Variants in ZNHIT6 observed in about 807,000 individuals in gnomAD.
The protein encoded by ZNHIT6 is box C/D snoRNA protein 1.
A neutral mutation model predicts 57.2 loss-of-function variants in ZNHIT6; 45 were observed. The observed-to-expected ratio is 0.79, with a 90% CI of 0.62 to 1.01. The LOEUF is 1.01. ZNHIT6 is among the 50% of genes least tolerant of loss of function. The pLI, the probability that ZNHIT6 is intolerant of heterozygous loss-of-function variation, is 0.00. For missense variants in ZNHIT6, 528 were observed against 567.3 expected (o/e 0.93, Z 0.70); for synonymous variants, 188 against 190.0 (o/e 0.99, Z 0.09).
chr1:85,687,312 C>CAAAAAA (rs1557861302), intron 5 of ZNHIT6, among the ~76,000 whole-genome samples: 1 of 67,356 alleles, frequency 1.5e-5, no homozygotes, highest in Non-Finnish European at 2.9e-5. Context: ...AAAAAAAAAA[C>CAAAAAA]AATTTAGAAC....
chr1:85,707,879 C>T lies in ZNHIT6; in HGVS notation c.406G>A (p.Glu136Lys), dbSNP rs187291134. The T allele has an allele frequency of 1.7e-5, 28 of 1,614,110 alleles. No homozygotes were observed. In the East Asian group the frequency reaches 3.1e-4, roughly 18 times the overall value. Reference sequence around the variant, plus strand: ...TCCTTTACCTTCTCTTCCTTTACCTCTGGTTCACCCACCTTCGCTTCTTTT... The same window carrying T: ...TCCTTTACCTTCTCTTCCTTTACCTTTGGTTCACCCACCTTCGCTTCTTTT... The part of the protein sequence containing the change: ...VVKEAKVGEP[E>K]VKEEKVKEEV... The change falls in exon 1 of 10, where the codon GAG becomes AAG. Residue 136 changes from glutamate to lysine, a missense_variant. Physicochemically the swap from Glu to Lys is moderately conservative, Grantham distance 56. Transcript: ENST00000370574.
intron 5 of ZNHIT6, among the ~76,000 whole-genome samples, chr1:85,693,894 G>C (rs1195914746): frequency 1.3e-5 from 2 of 152,192 alleles, no homozygotes; most frequent in African/African-American, 2.4e-5. Flanking sequence ...CGAGGTGGGA[G>C]GACTGCTTGA....
At chr1:85,668,973 GGA>G (rs772796311) in intron 8 of ZNHIT6, among the ~76,000 whole-genome samples, 1 of 151,500 alleles carries the variant, frequency 6.6e-6, no homozygotes, top group Non-Finnish European at 1.5e-5. Flanking sequence ...GTCACCCTTG[GGA>G]GACAGAGATT....
rs1200430170 is a variant in ZNHIT6 at position 85,652,605 on chromosome 1, C to T, written c.*1453G>A. ...TCGATTCTCTTCTCCAGTTTCTACC[C>T]CAAGTTATACTTGTGTCCCACAAAT... On this transcript the variant is annotated 3_prime_UTR_variant, in exon 10 of 10. Transcript: ENST00000370574. 6.6e-6 allele frequency: 1 copy of T among 152,158 alleles called. No individual in the cohort carries two copies. The highest frequency in any genetic ancestry group is 1.5e-5 in the Non-Finnish European group (1 of 68,022). The allele number at this position is 152,158 out of a possible 1,614,324, so 9.4% of individuals were successfully genotyped here.
intron 8 of ZNHIT6, among the ~76,000 whole-genome samples, chr1:85,668,661 C>T (rs564567575): frequency 6.6e-6 from 1 of 152,244 alleles, no homozygotes; most frequent in East Asian, 1.9e-4. Flanking sequence ...AGAGTATCTT[C>T]AAAGTATATT....
At chr1:85,654,246 T>G (rs41289755) in intron 9 of ZNHIT6, 148 bp from the exon 10 acceptor site, 7 of 599,964 alleles carry the variant, frequency 1.2e-5, no homozygotes, top group Admixed American at 3.4e-5. Flanking sequence ...GCAGCTAGGA[T>G]ATACAATTCT....
chr1:85,696,732 A>G (rs375529938), intron 5 of ZNHIT6, among the ~76,000 whole-genome samples: 19 of 152,262 alleles, frequency 1.2e-4, no homozygotes, highest in African/African-American at 4.1e-4. Flanking sequence ...CAATTTAACT[A>G]TCAACAATGG....
intron 7 of ZNHIT6, 75 bp from the exon 8 acceptor site, chr1:85,677,388 A>G: frequency 8.8e-7 from 1 of 1,141,080 alleles, no homozygotes; most frequent in South Asian, 1.7e-5. Flanking sequence ...GAGACTAAGC[A>G]TTTGTACCTA....
intron 8 of ZNHIT6, among the ~76,000 whole-genome samples, chr1:85,662,155 TAA>T: frequency 6.9e-6 from 1 of 144,870 alleles, no homozygotes; most frequent in African/African-American, 2.6e-5. Context: ...TAGTGTGCTT[TAA>T]AAAAAAAAAA....
intron 8 of ZNHIT6, among the ~76,000 whole-genome samples, chr1:85,674,517 C>T (rs980309137): frequency 9.2e-5 from 14 of 152,168 alleles, no homozygotes; most frequent in Admixed American, 2.0e-4. Flanking sequence ...TATTAATCTA[C>T]TATTCCCTTC....
intron 5 of ZNHIT6, among the ~76,000 whole-genome samples, chr1:85,690,095 A>T (rs1662175407): frequency 6.6e-6 from 1 of 152,228 alleles, no homozygotes; most frequent in African/African-American, 2.4e-5. Flanking sequence ...ATAAAAAGAC[A>T]TTCTAGGATT....
chr1:85,688,254 C>G lies in ZNHIT6; in HGVS notation c.1020-7350G>C, dbSNP rs369886948. On this transcript the variant is annotated intron_variant, in intron 5 of 9. Coordinates refer to ENST00000370574, the MANE Select transcript of ZNHIT6 (RefSeq NM_017953.4). ...TTATTTCATTTTACAGATGAAAACACTAAGGTAGAGAAAAGAAAGTCACTC... is the reference window on the plus strand; with the variant it reads ...TTATTTCATTTTACAGATGAAAACAGTAAGGTAGAGAAAAGAAAGTCACTC... Among the ~76,000 whole-genome samples the G allele has an allele frequency of 4.6e-5, 7 of 152,152 alleles. No individual in the cohort carries two copies. The South Asian group carries it at 1.5e-3, about 32-fold the overall frequency.
chr1:85,669,446 T>C (rs1157184544), intron 8 of ZNHIT6, among the ~76,000 whole-genome samples: 2 of 152,164 alleles, frequency 1.3e-5, no homozygotes, highest in Admixed American at 1.3e-4. Context: ...AATAAAATCA[T>C]CCAAGAGAAA....
rs139124563 is a variant in ZNHIT6, at chr1:85,654,855, G to A, written c.1373-757C>T. Reference sequence around the variant, plus strand: ...GTCATGCTAAAATATAGGTTATTTTGAGGCTTATAGCTGTTATCTCCACTG... The same window carrying A: ...GTCATGCTAAAATATAGGTTATTTTAAGGCTTATAGCTGTTATCTCCACTG... On this transcript the variant is annotated intron_variant, in intron 9 of 9. Transcript: ENST00000370574. 3.3e-5 allele frequency among the ~76,000 whole-genome samples: 5 copies of A among 152,256 alleles called. No individual in the cohort carries two copies. The East Asian group carries it at 9.7e-4, about 29-fold the overall frequency.
intron 5 of ZNHIT6, among the ~76,000 whole-genome samples, chr1:85,693,844 C>T (rs949911524): frequency 3.3e-5 from 5 of 152,090 alleles, no homozygotes; most frequent in Non-Finnish European, 5.9e-5. Context: ...AGGGGCTGGG[C>T]GTGGGGGCTG....
chr1:85,681,237 T>C (rs1339741757), intron 5 of ZNHIT6, among the ~76,000 whole-genome samples: 4 of 152,158 alleles, frequency 2.6e-5, no homozygotes, highest in African/African-American at 9.7e-5. Context: ...TTGACTAGTC[T>C]GGAAATTAGG....
At chr1:85,665,878 G>A (rs1440937372) in intron 8 of ZNHIT6, among the ~76,000 whole-genome samples, 1 of 152,156 alleles carries the variant, frequency 6.6e-6, no homozygotes, top group South Asian at 2.1e-4. Context: ...TTATTTTAGA[G>A]TTGGCAGGAA....
intron 5 of ZNHIT6, among the ~76,000 whole-genome samples, chr1:85,685,569 G>GA (rs2100691216): frequency 6.6e-6 from 1 of 152,288 alleles, no homozygotes; most frequent in East Asian, 1.9e-4. Context: ...TCCACATAAT[G>GA]ATTTGTGGGC....
At chr1:85,706,735 A>T (rs1184021387) in intron 1 of ZNHIT6, among the ~76,000 whole-genome samples, 1 of 152,204 alleles carries the variant, frequency 6.6e-6, no homozygotes. Flanking sequence ...AATTTTTAAA[A>T]CCCATCTCGC....
Sources: allele counts gnomAD v4.1 joint callset (sites outside exome capture counted in the v4.1 genomes callset), GRCh38; gene constraint gnomAD v4.1.1; transcripts MANE v1.5; gene names NCBI Gene and HGNC (gene_info 2026-07-23, HGNC 2026-07-21).